PPP2R2C: variants seen among roughly 807,000 people sequenced by gnomAD.
PPP2R2C encodes the protein protein phosphatase 2, regulatory subunit B, gamma.
Under a neutral mutation model 45.3 loss-of-function variants are expected in PPP2R2C, and 10 were observed. The ratio of observed to expected loss-of-function variants is 0.22; its 90% CI spans 0.14 to 0.37. The LOEUF is 0.37. Among genes scored for constraint, PPP2R2C ranks in the 10% least tolerant of loss-of-function variants. The probability of loss-of-function intolerance (pLI) is 1.00; values close to 1 mark genes in which losing one functional copy is unlikely to be tolerated. For missense variants in PPP2R2C, 308 were observed against 619.7 expected (o/e 0.50, Z 5.34); for synonymous variants, 257 against 245.4 (o/e 1.05, Z -0.44).
intron 5 of PPP2R2C, among the ~76,000 whole-genome samples, chr4:6,355,955 C>T (rs1176486971): frequency 7.1e-6 from 1 of 139,970 alleles, no homozygotes; most frequent in East Asian, 2.2e-4. Flanking sequence ...GATCGTGCCA[C>T]GTATTCCGGC....
chr4:6,358,286 T>G (rs925301517), intron 5 of PPP2R2C, among the ~76,000 whole-genome samples: 1 of 152,176 alleles, frequency 6.6e-6, no homozygotes, highest in African/African-American at 2.4e-5. Flanking sequence ...TAGCCATATG[T>G]AGAAAGCTGA....
intron 2 of PPP2R2C, among the ~76,000 whole-genome samples, chr4:6,480,264 CATT>C (rs1487010250): frequency 6.6e-6 from 1 of 152,146 alleles, no homozygotes; most frequent in Non-Finnish European, 1.5e-5. Flanking sequence ...TTTTCCTAAG[CATT>C]ATGTTTTCAG....
intron 1 of PPP2R2C, among the ~76,000 whole-genome samples, chr4:6,422,236 G>A (rs1466729767): frequency 6.6e-6 from 1 of 152,184 alleles, no homozygotes; most frequent in East Asian, 1.9e-4. Flanking sequence ...ATGGAGACAA[G>A]TGCCTCTGGG....
At chr4:6,558,000 G>C (rs1004622143) in intron 1 of PPP2R2C, among the ~76,000 whole-genome samples, 1 of 152,092 alleles carries the variant, frequency 6.6e-6, no homozygotes, top group Non-Finnish European at 1.5e-5. Context: ...GCAGGAGGAA[G>C]GAGGCGGCCA....
At chr4:6,386,279 AG>A (rs1716202739) in intron 1 of PPP2R2C, among the ~76,000 whole-genome samples, 1 of 152,234 alleles carries the variant, frequency 6.6e-6, no homozygotes, top group Non-Finnish European at 1.5e-5. Flanking sequence ...TAGGGCTGCC[AG>A]AACTCAGACG....
chr4:6,326,406 C>T (rs1185849135), intron 8 of PPP2R2C, among the ~76,000 whole-genome samples: 1 of 152,114 alleles, frequency 6.6e-6, no homozygotes, highest in Admixed American at 6.5e-5. Context: ...CTCCCGCACC[C>T]GAGCACGCTC....
intron 1 of PPP2R2C, among the ~76,000 whole-genome samples, chr4:6,433,564 C>A (rs971303240): frequency 1.3e-5 from 2 of 152,212 alleles, no homozygotes; most frequent in African/African-American, 4.8e-5. Context: ...CCCTTTACTG[C>A]CTGGCTGTGG....
chr4:6,336,379 G>A (rs1051798323), intron 6 of PPP2R2C, among the ~76,000 whole-genome samples: 3 of 152,066 alleles, frequency 2.0e-5, no homozygotes, highest in African/African-American at 4.8e-5. Flanking sequence ...CTCGCAGAGG[G>A]AGCTGGGAGA....
chr4:6,406,823 T>G (rs964322366), intron 1 of PPP2R2C, among the ~76,000 whole-genome samples: 7 of 152,184 alleles, frequency 4.6e-5, no homozygotes, highest in Middle Eastern at 3.2e-3. Context: ...CTCTAATCCC[T>G]GGAACTTGTG....
At chr4:6,326,088 A>G (rs1731917706) in intron 8 of PPP2R2C, among the ~76,000 whole-genome samples, 1 of 152,236 alleles carries the variant, frequency 6.6e-6, no homozygotes, top group African/African-American at 2.4e-5. Context: ...ATCCCTGTCC[A>G]TGCTGATTGG....
chr4:6,413,998 T>C, intron 1 of PPP2R2C: 1 of 1,534,740 alleles, frequency 6.5e-7, no homozygotes, highest in Non-Finnish European at 8.7e-7. Flanking sequence ...ATGTTGCCAG[T>C]CAATGGCCAA....
At chr4:6,381,457 C>G (rs904600002) in intron 1 of PPP2R2C, 1 of 1,371,716 alleles carries the variant, frequency 7.3e-7, no homozygotes, top group Non-Finnish European at 9.5e-7. Flanking sequence ...CCACACCTAC[C>G]CCTGCCACCC....
At chr4:6,431,089 A>G (rs1014960526) in intron 1 of PPP2R2C, among the ~76,000 whole-genome samples, 1 of 152,134 alleles carries the variant, frequency 6.6e-6, no homozygotes, top group Non-Finnish European at 1.5e-5. Context: ...GATGACAGAG[A>G]TGGTTCTGCC....
intron 1 of PPP2R2C, among the ~76,000 whole-genome samples, chr4:6,396,111 T>C (rs2109341493): frequency 6.6e-6 from 1 of 152,312 alleles, no homozygotes; most frequent in East Asian, 1.9e-4. Flanking sequence ...CGTGGCATGC[T>C]GCCAGCTTCC....
At chr4:6,474,722 C>A (rs1722076343), upstream of PPP2R2C, among the ~76,000 whole-genome samples, 2 of 150,756 alleles carry the variant, frequency 1.3e-5, no homozygotes, top group Admixed American at 6.6e-5. Context: ...TCACCCCTCA[C>A]CACCCCATCC....
rs573131137 is a variant in PPP2R2C, at chr4:6,462,680, T to C, written c.70+9480A>G. ...GGACGTTCATAAAATGGACCAGAAT[T>C]TAGGTAACAAAGAATCAGGATATGT... is the stretch of plus-strand genomic sequence containing the variant. On this transcript the variant is annotated intron_variant, in intron 1 of 8. Transcript: ENST00000382599. Among the ~76,000 whole-genome samples the C allele has an allele frequency of 3.3e-5, 5 of 152,114 alleles. No homozygotes were observed. In the East Asian group the frequency reaches 9.7e-4, roughly 29 times the overall value.
chr4:6,326,077 T>C (rs1177668071), intron 8 of PPP2R2C, among the ~76,000 whole-genome samples: 1 of 152,220 alleles, frequency 6.6e-6, no homozygotes, highest in African/African-American at 2.4e-5. Flanking sequence ...GGGCATGTGA[T>C]ATCCCTGTCC....
rs1029216667 is a variant in PPP2R2C, at chr4:6,423,697, G to A, written c.71-42603C>T. 2.6e-5 allele frequency among the ~76,000 whole-genome samples: 4 copies of A among 152,202 alleles called. No homozygotes were observed. In the East Asian group the frequency reaches 7.7e-4, roughly 29 times the overall value. The stretch of plus-strand genomic sequence containing the variant: ...TGGGGGAATCTTTTTTTGATAAGCT[G>A]AGGAGGATCTCAGGGTGAGGAGGAG... On this transcript the variant is annotated intron_variant, in intron 1 of 8. Transcript: ENST00000382599.
At chr4:6,417,921 C>T (rs572169592) in intron 1 of PPP2R2C, among the ~76,000 whole-genome samples, 1 of 152,164 alleles carries the variant, frequency 6.6e-6, no homozygotes, top group South Asian at 2.1e-4. Flanking sequence ...TTTGAGATGA[C>T]GGAGACTCCC....
Sources: allele counts gnomAD v4.1 joint callset (sites outside exome capture counted in the v4.1 genomes callset), GRCh38; gene constraint gnomAD v4.1.1; transcripts MANE v1.5; gene names NCBI Gene and HGNC (gene_info 2026-07-23, HGNC 2026-07-21).